Variants in MMRN1 observed in about 807,000 individuals in gnomAD.
MMRN1 encodes multimerin-1.
Under a neutral mutation model 100.7 loss-of-function variants are expected in MMRN1, and 94 were observed. The observed-to-expected ratio is 0.93, with a 90% CI of 0.79 to 1.11. The LOEUF (loss-of-function observed/expected upper bound fraction) is 1.11. MMRN1 is among the 50% of genes least tolerant of loss of function. MMRN1 has a pLI of 0.00. For synonymous variants in MMRN1, 575 were observed against 505.0 expected, an observed-to-expected ratio of 1.14 and a Z score of -1.86; for missense variants, 1,606 against 1,439.1, an observed-to-expected ratio of 1.12 and a Z score of -1.88.
chr4:89,941,452 A>G (rs750285343), intron 6 of MMRN1, among the ~76,000 whole-genome samples: 7 of 152,170 alleles, frequency 4.6e-5, no homozygotes, highest in Non-Finnish European at 8.8e-5. Flanking sequence ...TCACACACAC[A>G]TACACAAAAT....
In MMRN1 at chr4:89,900,063, C is replaced by A. The variant is rs578219794; in HGVS notation, c.623+4469C>A. ...GCTTAATTTGAATTTTTAGATTTGT[C>A]TTTCAGACTTTGAGATTTTGGTCAC... On this transcript the variant is annotated intron_variant, in intron 1 of 7. Transcript: ENST00000264790. 4.6e-5 allele frequency among the ~76,000 whole-genome samples: 7 copies of A among 152,170 alleles called. No individual in the cohort carries two copies. The East Asian group carries it at 1.4e-3, about 29-fold the overall frequency.
At chr4:89,950,011 C>G (rs559409526) in intron 6 of MMRN1, among the ~76,000 whole-genome samples, 3 of 152,214 alleles carry the variant, frequency 2.0e-5, no homozygotes, top group East Asian at 3.9e-4. Context: ...GTAGTATAAG[C>G]GCTGAATTCT....
chr4:89,886,740 T>A (rs765396117), intron 1 of MMRN1, among the ~76,000 whole-genome samples: 7 of 152,254 alleles, frequency 4.6e-5, no homozygotes, highest in Admixed American at 1.3e-4. Context: ...TACATAATGG[T>A]TGTACATACT....
At chr4:89,915,038 G>A (rs1232557211) in intron 3 of MMRN1, among the ~76,000 whole-genome samples, 1 of 151,552 alleles carries the variant, frequency 6.6e-6, no homozygotes, top group Non-Finnish European at 1.5e-5. Context: ...GCATGTACAA[G>A]TGCTGAAATA....
chr4:89,921,890 A>C (rs186106164), intron 3 of MMRN1, among the ~76,000 whole-genome samples: 19 of 152,306 alleles, frequency 1.2e-4, no homozygotes, highest in African/African-American at 4.3e-4. Flanking sequence ...CATATGGCTT[A>C]GGGAGCATAA....
chr4:89,928,042 C>T (rs1722322434), intron 5 of MMRN1, 74 bp downstream of exon 5: 1 of 1,241,378 alleles, frequency 8.1e-7, no homozygotes, highest in African/African-American at 1.6e-5. Context: ...TTTCTTACAT[C>T]ACTTTGGGAT....
At chr4:89,936,909 T>C in intron 6 of MMRN1, 111 bp downstream of exon 6, 1 of 956,906 alleles carries the variant, frequency 1.0e-6, no homozygotes, top group Non-Finnish European at 1.5e-6. Flanking sequence ...TACTTGAACT[T>C]GGATAGATAG....
intron 1 of MMRN1, among the ~76,000 whole-genome samples, chr4:89,908,982 T>C (rs1721655594): frequency 6.6e-6 from 1 of 151,464 alleles, no homozygotes; most frequent in South Asian, 2.1e-4. Context: ...TACAAGAGCA[T>C]TCTTGCATTT....
chr4:89,887,958 C>T (rs1431566225), intron 1 of MMRN1, among the ~76,000 whole-genome samples: 1 of 151,776 alleles, frequency 6.6e-6, no homozygotes, highest in Non-Finnish European at 1.5e-5. Context: ...TTCTTTATTT[C>T]CTCCAATTAT....
At chr4:89,889,017 A>G (rs150511513) in intron 1 of MMRN1, among the ~76,000 whole-genome samples, 268 of 152,238 alleles carry the variant, frequency 1.8e-3, no homozygotes, top group Admixed American at 2.7e-3. Flanking sequence ...TAAAAGAATA[A>G]TAAAGGCTAT....
intron 7 of MMRN1, 42 bp downstream of exon 7, chr4:89,951,793 A>G (rs1723189334): frequency 6.3e-7 from 1 of 1,586,470 alleles, no homozygotes; most frequent in African/African-American, 1.4e-5. Context: ...GCTCATTGTC[A>G]TAAATAGAAA....
chr4:89,946,333 C>T (rs916658927), intron 6 of MMRN1, among the ~76,000 whole-genome samples: 9 of 152,160 alleles, frequency 5.9e-5, no homozygotes, highest in African/African-American at 1.9e-4. Flanking sequence ...CTCTTGGAAA[C>T]TCCATTGTGT....
chr4:89,913,503 C>T (rs560083914), intron 3 of MMRN1, among the ~76,000 whole-genome samples: 31 of 151,236 alleles, frequency 2.0e-4, no homozygotes, highest in African/African-American at 7.0e-4. Flanking sequence ...GGACTACATA[C>T]ATGTAGGAAG....
At position 89,905,840 on chromosome 4, in the gene MMRN1, C is replaced by G. The variant is rs111603884; in HGVS notation, c.624-3436C>G. ...TCTTACCTTGACTTCTAATGAACAT[C>G]CTCAGGACTTGGTATTTTCATACTA... On this transcript the variant is annotated intron_variant, in intron 1 of 7. Transcript: ENST00000264790. Among the ~76,000 whole-genome samples, 897 of 151,536 alleles carry G rather than the reference C, an allele frequency of 5.9e-3. 7 individuals are homozygous for G. The highest frequency in any genetic ancestry group is 0.021 in the African/African-American group (856 of 41,426).
At chr4:89,939,398 A>G (rs1722753588) in intron 6 of MMRN1, among the ~76,000 whole-genome samples, 1 of 152,172 alleles carries the variant, frequency 6.6e-6, no homozygotes, top group African/African-American at 2.4e-5. Flanking sequence ...ATAACTGATA[A>G]CTTACTTTGA....
At position 89,935,632 on chromosome 4, in the gene MMRN1, C is replaced by A. The variant is rs200526047; in HGVS notation, c.1952C>A (p.Pro651His). 391 of 1,613,394 alleles carry A rather than the reference C, an allele frequency of 2.4e-4. 2 individuals are homozygous for A. In the East Asian group the frequency reaches 3.1e-3, roughly 13 times the overall value. ...DLTYDMEILQ[P>H]LLEQGASLRQ... ...ACTTATGATATGGAGATCCTTCAAC[C>A]CTTGCTTGAGCAGGGAGCATCACTC... The change falls in exon 6 of 8, where the codon CCC becomes CAC. Residue 651 changes from proline (P) to histidine (H), a missense_variant. Coordinates refer to ENST00000264790, the MANE Select transcript of MMRN1 (RefSeq NM_007351.3).
chr4:89,951,765 A>C lies in MMRN1; in HGVS notation c.3265+14A>C. ...CTTTAGCTCCAGGTAAAAAAAAAGT[A>C]TACGCATCTTTGGATTTGCTCATTG... On this transcript the variant is annotated intron_variant, in intron 7 of 7. Coordinates refer to ENST00000264790, the MANE Select transcript of MMRN1 (RefSeq NM_007351.3). 6.2e-7 allele frequency: 1 copy of C among 1,610,150 alleles called. No homozygotes were observed.
intron 2 of MMRN1, among the ~76,000 whole-genome samples, chr4:89,910,433 T>C (rs1489007797): frequency 6.6e-6 from 1 of 151,504 alleles, no homozygotes; most frequent in African/African-American, 2.4e-5. Context: ...TATTTATCTT[T>C]ATTCTCGAAT....
intron 1 of MMRN1, among the ~76,000 whole-genome samples, chr4:89,905,107 A>T (rs1206942084): frequency 1.3e-5 from 2 of 151,690 alleles, no homozygotes; most frequent in Non-Finnish European, 3.0e-5. Flanking sequence ...TTATAAAAAA[A>T]TATAAGACTA....
Sources: gnomAD v4.1 joint callset for allele counts (sites outside exome capture counted in the v4.1 genomes callset) on GRCh38, gnomAD v4.1.1 for gene constraint, MANE v1.5 for transcripts, NCBI Gene and HGNC (gene_info 2026-07-23, HGNC 2026-07-21) for gene names.